MAPKAP1: variants seen among roughly 807,000 people sequenced by gnomAD.
MAPKAP1 encodes the protein target of rapamycin complex 2 subunit MAPKAP1.
In MAPKAP1, 20 loss-of-function variants were observed where a neutral mutation model predicts 65.7. That is an observed-to-expected ratio of 0.30 (90% CI 0.21 to 0.44). MAPKAP1 has a LOEUF of 0.44. Ranked by LOEUF, MAPKAP1 falls within the 20% of genes least tolerant of loss-of-function variation. The pLI is 1.00. For missense variants in MAPKAP1, 423 were observed against 648.0 expected (o/e 0.65, Z 3.77); for synonymous variants, 222 against 244.3 (o/e 0.91, Z 0.85).
chr9:125,598,039 C>T (rs1589326331), intron 4 of MAPKAP1, among the ~76,000 whole-genome samples: 2 of 149,578 alleles, frequency 1.3e-5, no homozygotes, highest in South Asian at 2.1e-4. Flanking sequence ...TCAGGTTTTA[C>T]GGGCTATGGG....
chr9:125,566,389 AC>A (rs1383680556), intron 5 of MAPKAP1, among the ~76,000 whole-genome samples: 1 of 151,990 alleles, frequency 6.6e-6, no homozygotes, highest in African/African-American at 2.4e-5. Flanking sequence ...ACATGGTGAA[AC>A]CCCATCTCTA....
At chr9:125,572,898 T>C (rs1392054794) in intron 5 of MAPKAP1, 1 of 152,218 alleles carries the variant, frequency 6.6e-6, no homozygotes, top group Non-Finnish European at 1.5e-5. Context: ...CTTCCAGATA[T>C]TGCCTTTTCT....
intron 4 of MAPKAP1, among the ~76,000 whole-genome samples, chr9:125,633,015 C>A (rs1833330469): frequency 6.6e-6 from 1 of 152,172 alleles, no homozygotes; most frequent in South Asian, 2.1e-4. Context: ...TCTGAGGAAA[C>A]CCATGGTGGC....
chr9:125,675,696 G>A (rs987664253), intron 1 of MAPKAP1, among the ~76,000 whole-genome samples: 1 of 152,118 alleles, frequency 6.6e-6, no homozygotes, highest in Non-Finnish European at 1.5e-5. Flanking sequence ...ACAAGGACAG[G>A]GTTCATAACA....
At chr9:125,556,918 T>C (rs1212788482) in intron 6 of MAPKAP1, among the ~76,000 whole-genome samples, 1 of 152,044 alleles carries the variant, frequency 6.6e-6, no homozygotes, top group Non-Finnish European at 1.5e-5. Flanking sequence ...AAAAAGAAAA[T>C]TTATTGACAC....
intron 7 of MAPKAP1, among the ~76,000 whole-genome samples, chr9:125,540,791 C>T (rs1371139202): frequency 6.6e-6 from 1 of 152,154 alleles, no homozygotes; most frequent in Non-Finnish European, 1.5e-5. Context: ...TATTTCATAG[C>T]CAACTGTGAA....
intron 9 of MAPKAP1, among the ~76,000 whole-genome samples, chr9:125,474,460 T>C (rs1328170080): frequency 3.3e-5 from 5 of 152,190 alleles, no homozygotes; most frequent in African/African-American, 9.6e-5. Context: ...CCACTGGTGT[T>C]ATCCTGGGCA....
chr9:125,592,066 T>C (rs1213007597), intron 4 of MAPKAP1, among the ~76,000 whole-genome samples: 1 of 152,200 alleles, frequency 6.6e-6, no homozygotes, highest in East Asian at 1.9e-4. Flanking sequence ...CTCTCATGCA[T>C]TCAACAAACA....
intron 9 of MAPKAP1, among the ~76,000 whole-genome samples, chr9:125,480,141 G>T (rs1382368096): frequency 1.3e-5 from 2 of 152,174 alleles, no homozygotes; most frequent in Admixed American, 1.3e-4. Flanking sequence ...GGTGATATCT[G>T]CTTTGTAAGG....
At chr9:125,446,377 G>A (rs1181764624) in intron 10 of MAPKAP1, among the ~76,000 whole-genome samples, 1 of 152,176 alleles carries the variant, frequency 6.6e-6, no homozygotes, top group South Asian at 2.1e-4. Context: ...GTACTAAAAT[G>A]TGAGAATTCC....
intron 8 of MAPKAP1, among the ~76,000 whole-genome samples, chr9:125,485,682 C>A (rs1003417545): frequency 6.6e-6 from 1 of 152,136 alleles, no homozygotes; most frequent in Non-Finnish European, 1.5e-5. Flanking sequence ...CTCCACCCCT[C>A]CCTAGGCTAG....
At chr9:125,590,263 G>C (rs574930038) in intron 4 of MAPKAP1, among the ~76,000 whole-genome samples, 2 of 152,124 alleles carry the variant, frequency 1.3e-5, no homozygotes, top group African/African-American at 4.8e-5. Context: ...GTTGAAATTC[G>C]ACCCATTTCT....
intron 4 of MAPKAP1, among the ~76,000 whole-genome samples, chr9:125,651,455 A>C (rs979283024): frequency 2.6e-5 from 4 of 151,954 alleles, no homozygotes; most frequent in Non-Finnish European, 5.9e-5. Context: ...AAATTCAAAA[A>C]TTAGCCAGGT....
chr9:125,673,820 T>C (rs1245929426), intron 1 of MAPKAP1, among the ~76,000 whole-genome samples: 4 of 152,054 alleles, frequency 2.6e-5, no homozygotes, highest in African/African-American at 9.7e-5. Flanking sequence ...GACATGCCTG[T>C]AGTCATAGCT....
At chr9:125,479,560 A>T (rs1376891328) in intron 9 of MAPKAP1, among the ~76,000 whole-genome samples, 1 of 151,898 alleles carries the variant, frequency 6.6e-6, no homozygotes, top group Non-Finnish European at 1.5e-5. Context: ...AGCCTGGGCA[A>T]CAAGAGCGAA....
At chr9:125,483,562 G>A (rs956234970) in intron 9 of MAPKAP1, among the ~76,000 whole-genome samples, 1 of 152,228 alleles carries the variant, frequency 6.6e-6, no homozygotes, top group Admixed American at 6.5e-5. Context: ...ACAGGGTGCA[G>A]CTCAGCTCCC....
chr9:125,521,495 T>A, intron 7 of MAPKAP1: 2 of 1,269,222 alleles, frequency 1.6e-6, no homozygotes, highest in Non-Finnish European at 2.0e-6. Flanking sequence ...GTCATTTATT[T>A]TAAACAATTG....
intron 5 of MAPKAP1, among the ~76,000 whole-genome samples, chr9:125,578,090 A>T (rs1295251477): frequency 4.6e-5 from 7 of 152,134 alleles, no homozygotes; most frequent in Non-Finnish European, 7.4e-5. Context: ...TGTACTAAGA[A>T]AAATTCTTCT....
chr9:125,482,095 G>GCA (rs1415565054), intron 9 of MAPKAP1, among the ~76,000 whole-genome samples: 1 of 143,186 alleles, frequency 7.0e-6, no homozygotes, highest in Non-Finnish European at 1.5e-5. Context: ...TCAAGTCATT[G>GCA]CACTCCAGCC....
Sources: allele counts gnomAD v4.1 joint callset (sites outside exome capture counted in the v4.1 genomes callset), GRCh38; gene constraint gnomAD v4.1.1; transcripts MANE v1.5; gene names NCBI Gene and HGNC (gene_info 2026-07-23, HGNC 2026-07-21).